Variants in EOGT observed in about 807,000 individuals in gnomAD.
The protein encoded by EOGT is EGF domain-specific O-linked N-acetylglucosamine transferase.
EOGT carries 55 observed loss-of-function variants against 70.5 expected under a neutral mutation model. That is an observed-to-expected ratio of 0.78 (90% confidence interval 0.63 to 0.98). The LOEUF (loss-of-function observed/expected upper bound fraction) is 0.98, where lower values mean the gene tolerates loss of function less well. Ranked by LOEUF, EOGT falls within the 50% of genes least tolerant of loss-of-function variation. The pLI, the probability that EOGT is intolerant of heterozygous loss-of-function variation, is 0.00. For missense variants in EOGT, 703 were observed against 641.9 expected (o/e 1.10, Z -1.03); for synonymous variants, 246 against 217.1 (o/e 1.13, Z -1.17).
At chr3:68,980,878 G>C (rs1398256248) in intron 15 of EOGT, among the ~76,000 whole-genome samples, 2 of 152,156 alleles carry the variant, frequency 1.3e-5, no homozygotes, top group African/African-American at 4.8e-5. Flanking sequence ...AGACTGGCAA[G>C]GTACGAATTC....
chr3:68,987,386 A>AC, intron 14 of EOGT, 59 bp downstream of exon 14: 7 of 1,246,612 alleles, frequency 5.6e-6, no homozygotes. Flanking sequence ...AAAAAAAAAA[A>AC]CACAATTTGC....
chr3:68,977,369 T>G lies in EOGT; in HGVS notation c.*249A>C. The G allele has an allele frequency of 2.6e-6, 1 of 384,120 alleles. No individual in the cohort carries two copies. The highest frequency in any genetic ancestry group is 4.6e-6 in the Non-Finnish European group (1 of 217,464). 23.8% of individuals were successfully genotyped at this position (384,120 alleles called of 1,614,324 possible). The stretch of plus-strand genomic sequence containing the variant: ...AAGAAAGTTAAAGTATACTGGGGAG[T>G]CCATGCTTAATTTTTGAACTATAAA... On this transcript the variant is annotated 3_prime_UTR_variant, in exon 18 of 18. Coordinates refer to ENST00000383701, the MANE Select transcript of EOGT (RefSeq NM_001278689.2).
intron 10 of EOGT, among the ~76,000 whole-genome samples, chr3:68,997,642 T>C (rs1026412234): frequency 6.6e-6 from 1 of 152,172 alleles, no homozygotes; most frequent in Non-Finnish European, 1.5e-5. Flanking sequence ...GTGCTGTGAT[T>C]ATAGGCGTGA....
chr3:69,013,110 C>A lies in EOGT; in HGVS notation c.-355-311G>T, dbSNP rs906018700. On this transcript the variant is annotated intron_variant, in intron 1 of 17. Coordinates refer to ENST00000383701, the MANE Select transcript of EOGT (RefSeq NM_001278689.2). ...CTTGAACGTCAGTCCCGGCCAAGGGCTGAGGGGTCAGTGGCGAGCACCCCG... is the reference window on the plus strand; with the variant it reads ...CTTGAACGTCAGTCCCGGCCAAGGGATGAGGGGTCAGTGGCGAGCACCCCG... 2.0e-5 allele frequency among the ~76,000 whole-genome samples: 3 copies of A among 152,100 alleles called. No individual in the cohort carries two copies. The East Asian group carries it at 5.8e-4, about 30-fold the overall frequency.
At chr3:68,992,029 A>G (rs1400137086) in intron 10 of EOGT, among the ~76,000 whole-genome samples, 2 of 152,198 alleles carry the variant, frequency 1.3e-5, no homozygotes, top group South Asian at 2.1e-4. Context: ...GGTCCCTCCC[A>G]TAAGATGTGG....
At chr3:69,010,758 A>G (rs2091555375) in intron 3 of EOGT, among the ~76,000 whole-genome samples, 1 of 152,232 alleles carries the variant, frequency 6.6e-6, no homozygotes, top group African/African-American at 2.4e-5. Context: ...GAGGAGGGGA[A>G]AAGTATCTGT....
intron 1 of EOGT, among the ~76,000 whole-genome samples, chr3:69,013,326 G>T (rs1169601949): frequency 6.6e-6 from 1 of 151,752 alleles, no homozygotes; most frequent in African/African-American, 2.4e-5. Context: ...AGGGCCCGGG[G>T]CCCGCCTGCG....
At chr3:68,978,152 A>G (rs1235808237) in intron 17 of EOGT, among the ~76,000 whole-genome samples, 181 bp downstream of exon 17, 1 of 152,232 alleles carries the variant, frequency 6.6e-6, no homozygotes, top group African/African-American at 2.4e-5. Context: ...AACATTAAAG[A>G]TATAGGTTGC....
intron 10 of EOGT, among the ~76,000 whole-genome samples, chr3:68,994,832 C>G (rs1289125948): frequency 6.6e-6 from 1 of 152,152 alleles, no homozygotes; most frequent in East Asian, 1.9e-4. Flanking sequence ...TATACTACTT[C>G]TCAGCACAAG....
rs184568374 is a variant in EOGT, at chr3:68,989,911, G to C, written c.832-894C>G. ...AGCTATGATCATGCCATATACTCCA[G>C]CCTGGGCAACAGAGCAAGACCTTGT... On this transcript the variant is annotated intron_variant, in intron 10 of 17. Transcript: ENST00000383701. 9.2e-5 allele frequency among the ~76,000 whole-genome samples: 14 copies of C among 152,086 alleles called. No homozygotes were observed. The East Asian group carries it at 2.1e-3, about 23-fold the overall frequency.
chr3:69,010,533 T>C (rs774103488), intron 3 of EOGT, among the ~76,000 whole-genome samples: 4 of 152,244 alleles, frequency 2.6e-5, no homozygotes, highest in Non-Finnish European at 5.9e-5. Context: ...TTACTTAACC[T>C]TTCTGCACCT....
intron 10 of EOGT, among the ~76,000 whole-genome samples, chr3:68,994,211 G>A (rs1201063551): frequency 6.6e-6 from 1 of 152,146 alleles, no homozygotes; most frequent in Non-Finnish European, 1.5e-5. Flanking sequence ...AGGTATGGTG[G>A]CATGCACATG....
chr3:69,006,043 G>C (rs182651960), intron 6 of EOGT, among the ~76,000 whole-genome samples: 1 of 152,280 alleles, frequency 6.6e-6, no homozygotes, highest in East Asian at 1.9e-4. Flanking sequence ...ATATTGTTTA[G>C]AAGCTACCCA....
chr3:69,009,629 A>ATACC lies in EOGT; in HGVS notation c.210+4_210+7dup. On this transcript the variant is annotated splice_region_variant and intron_variant, in intron 4 of 17. Coordinates refer to ENST00000383701, the MANE Select transcript of EOGT (RefSeq NM_001278689.2). Reference sequence around the variant, plus strand: ...CATAAAAATAAGGAGAAAAGAAATAATACCTACCTTATATGGACAAAGAGA... The same window carrying ATACC: ...CATAAAAATAAGGAGAAAAGAAATAATACCTACCTACCTTATATGGACAAAGAGA... 2 of 1,603,090 alleles carry ATACC rather than the reference A, an allele frequency of 1.2e-6. No homozygotes were observed. Among genetic ancestry groups the ATACC allele is most frequent in the Non-Finnish European group, 1.7e-6 (2 of 1,170,326 alleles).
At chr3:68,988,483 C>G in intron 12 of EOGT, 23 bp downstream of exon 12, 1 of 1,512,034 alleles carries the variant, frequency 6.6e-7, no homozygotes. Context: ...AATATGAATG[C>G]TAATGGTAGA....
chr3:68,985,230 G>A (rs563632190), intron 14 of EOGT, among the ~76,000 whole-genome samples: 8 of 152,074 alleles, frequency 5.3e-5, no homozygotes, highest in African/African-American at 9.7e-5. Context: ...TATTTGATAC[G>A]TTCGTATTTC....
At chr3:68,978,691 T>C (rs549975600) in intron 16 of EOGT, among the ~76,000 whole-genome samples, 1 of 152,316 alleles carries the variant, frequency 6.6e-6, no homozygotes, top group South Asian at 2.1e-4. Context: ...CTGCTGCCTA[T>C]GGACTTGGCA....
rs769580172 is a variant in EOGT, at chr3:69,001,671, T to C, written c.664A>G (p.Ile222Val). 7 of 1,612,136 alleles carry C rather than the reference T, an allele frequency of 4.3e-6. No individual in the cohort carries two copies. Among genetic ancestry groups the C allele is most frequent in the Non-Finnish European group, 5.1e-6 (6 of 1,179,458 alleles). The part of the protein sequence containing the change: ...QSYTQLNFRP[I>V]EDAKCDIVIE... ...ACAATGTCACATTTAGCATCTTCTA[T>C]AGGTCTGAAGTTGAGCTGAGTATAG... The change falls in exon 9 of 18, where the codon ATA (isoleucine) becomes GTA (valine). Residue 222 changes from isoleucine (I) to valine (V), a missense_variant. Transcript: ENST00000383701.
chr3:68,984,564 T>G (rs1247928565), intron 14 of EOGT, among the ~76,000 whole-genome samples: 1 of 152,160 alleles, frequency 6.6e-6, no homozygotes, highest in Non-Finnish European at 1.5e-5. Flanking sequence ...TACATACCTG[T>G]TTATTAATCA....
Sources: allele counts gnomAD v4.1 joint callset (sites outside exome capture counted in the v4.1 genomes callset), GRCh38; gene constraint gnomAD v4.1.1; transcripts MANE v1.5; gene names NCBI Gene and HGNC (gene_info 2026-07-23, HGNC 2026-07-21).